The following FRMD4A variants were observed in gnomAD, a reference collection of about 807,000 sequenced individuals.
FRMD4A encodes the protein FERM domain-containing protein 4A.
In FRMD4A, 29 loss-of-function variants were observed where a neutral mutation model predicts 129.1. The observed-to-expected ratio is 0.22, with a 90% CI of 0.17 to 0.31. The LOEUF is 0.31. Ranked by LOEUF, FRMD4A falls within the 10% of genes least tolerant of loss-of-function variation. The probability of loss-of-function intolerance (pLI) is 1.00; values close to 1 mark genes in which losing one functional copy is unlikely to be tolerated. For synonymous variants in FRMD4A, 634 were observed against 571.6 expected (o/e 1.11, Z -1.56); for missense variants, 1,272 against 1,375.8 (o/e 0.92, Z 1.19).
At chr10:13,964,495 A>G (rs1588588493) in intron 2 of FRMD4A, among the ~76,000 whole-genome samples, 3 of 151,860 alleles carry the variant, frequency 2.0e-5, no homozygotes, top group Admixed American at 6.6e-5. Flanking sequence ...GTGGGGAGGC[A>G]ATAGAGAGGA....
At chr10:13,904,373 C>T (rs1443176988) in intron 2 of FRMD4A, among the ~76,000 whole-genome samples, 2 of 152,206 alleles carry the variant, frequency 1.3e-5, no homozygotes, top group Non-Finnish European at 2.9e-5. Context: ...CTTCCAGCTC[C>T]GCTCAGACGC....
chr10:13,868,715 C>A (rs1002333365), intron 2 of FRMD4A, among the ~76,000 whole-genome samples: 16 of 152,068 alleles, frequency 1.1e-4, no homozygotes, highest in African/African-American at 2.9e-4. Flanking sequence ...GGGAGGATTG[C>A]CTGAGCCCAA....
intron 9 of FRMD4A, among the ~76,000 whole-genome samples, chr10:13,745,870 C>T (rs1022967531): frequency 2.0e-5 from 3 of 152,118 alleles, no homozygotes; most frequent in Admixed American, 2.0e-4. Context: ...GGATGAGGCC[C>T]AGTGGCACAA....
chr10:13,827,392 C>A (rs1242418100), intron 3 of FRMD4A, among the ~76,000 whole-genome samples: 1 of 152,154 alleles, frequency 6.6e-6, no homozygotes, highest in South Asian at 2.1e-4. Context: ...GCCCATCTCC[C>A]GAAACCCGAC....
In FRMD4A at chr10:13,654,423, G is replaced by T. The variant is rs1048169983; in HGVS notation, c.3043C>A (p.Gln1015Lys). The T allele has an allele frequency of 1.9e-6, 3 of 1,601,036 alleles. No homozygotes were observed. Among genetic ancestry groups the T allele is most frequent in the Non-Finnish European group, 2.6e-6 (3 of 1,167,956 alleles). The stretch of plus-strand genomic sequence containing the variant: ...CATAGAAGGAGAACTCACCCAGTCT[G>T]CCAGGTTAGGATGTGGTGGGGGCTG... ...PSSPHHILTW[Q>K]TGEATENSPI... Residue 1015 changes from glutamine (Q) to lysine (K), a missense_variant, in exon 23 of 25, where the codon CAG becomes AAG. Physicochemically the swap from Gln to Lys is moderately conservative, Grantham distance 53. Transcript: ENST00000357447.
chr10:14,083,680 T>C (rs1170969647), intron 2 of FRMD4A: 1 of 152,218 alleles, frequency 6.6e-6, no homozygotes, highest in Non-Finnish European at 1.5e-5. Context: ...CTGTGGTTAG[T>C]GTCCACCGAT....
intron 6 of FRMD4A, among the ~76,000 whole-genome samples, chr10:13,774,860 A>G (rs1368807467): frequency 1.3e-5 from 2 of 152,158 alleles, no homozygotes; most frequent in Non-Finnish European, 2.9e-5. Context: ...TAATATTATC[A>G]GAGTGATAAG....
intron 2 of FRMD4A, among the ~76,000 whole-genome samples, chr10:14,054,977 T>A (rs1834439568): frequency 6.6e-6 from 1 of 152,180 alleles, no homozygotes; most frequent in South Asian, 2.1e-4. Context: ...CTCTCCTTTA[T>A]AAATTACCCA....
At chr10:14,266,280 T>C (rs1426913684) in intron 2 of FRMD4A, among the ~76,000 whole-genome samples, 1 of 152,078 alleles carries the variant, frequency 6.6e-6, no homozygotes, top group Middle Eastern at 3.2e-3. Flanking sequence ...CTCCAGTCAA[T>C]GACAAATGTC....
In FRMD4A at chr10:14,005,274, G is replaced by T. The variant is rs114875309; in HGVS notation, c.46-146362C>A. ...CCTGACCTCGTGATCCGACCAGCTC[G>T]GTCTCCCAAAGTGCTGGGATTACAG... On this transcript the variant is annotated intron_variant, in intron 2 of 24. Transcript: ENST00000357447. Among the ~76,000 whole-genome samples the T allele has an allele frequency of 2.9e-3, 444 of 152,132 alleles. 5 individuals are homozygous for T. Among genetic ancestry groups the T allele is most frequent in the African/African-American group, 0.01 (426 of 41,498 alleles).
intron 2 of FRMD4A, among the ~76,000 whole-genome samples, chr10:14,135,015 C>T (rs1839464280): frequency 6.6e-6 from 1 of 152,128 alleles, no homozygotes; most frequent in Non-Finnish European, 1.5e-5. Flanking sequence ...TTTTTGAGGA[C>T]TAGAGGTTGC....
chr10:13,858,741 G>T (rs996285945), intron 3 of FRMD4A, 106 bp downstream of exon 3: 3 of 768,570 alleles, frequency 3.9e-6, no homozygotes, highest in Non-Finnish European at 7.1e-6. Flanking sequence ...TATTAACAGA[G>T]ATTTAAAAAC....
At chr10:14,120,527 C>G (rs993221709) in intron 2 of FRMD4A, among the ~76,000 whole-genome samples, 3 of 152,224 alleles carry the variant, frequency 2.0e-5, no homozygotes, top group African/African-American at 7.2e-5. Flanking sequence ...TTATTCACTA[C>G]TCAGTAGATT....
In FRMD4A at chr10:13,693,787, G is replaced by A. The variant is rs765284385; in HGVS notation, c.1117+111C>T. ...TGGTCTGGAAAGCAAAGCCAGCTTT[G>A]GAGCAGCTTGCCCTGCAGTCTCCCC... On this transcript the variant is annotated intron_variant, in intron 15 of 24. Transcript: ENST00000357447. The A allele has an allele frequency of 7.0e-6, 8 of 1,146,248 alleles. No individual in the cohort carries two copies. The African/African-American group carries it at 1.1e-4, about 15-fold the overall frequency. 71.0% of individuals were successfully genotyped at this position (1,146,248 alleles called of 1,614,324 possible).
chr10:13,930,438 G>GCC (rs1462227807), intron 2 of FRMD4A, among the ~76,000 whole-genome samples: 1 of 152,192 alleles, frequency 6.6e-6, no homozygotes, highest in Non-Finnish European at 1.5e-5. Context: ...TCCTGCGTGA[G>GCC]CCTTTCAAGG....
Position 13,675,774 on chromosome 10 carries a change from G to A in FRMD4A, c.1118-730C>T, listed in dbSNP as rs954926454. Reference sequence around the variant, plus strand: ...TTTTTGCTTAGTGCAAAGATAATGTGTGTTTATGATGAAAACCCTGAAAAT... The same window carrying A: ...TTTTTGCTTAGTGCAAAGATAATGTATGTTTATGATGAAAACCCTGAAAAT... On this transcript the variant is annotated intron_variant, in intron 15 of 24. Transcript: ENST00000357447. 5.3e-5 allele frequency: 8 copies of A among 152,058 alleles called. 1 individual carries two copies. Among genetic ancestry groups the A allele is most frequent in the African/African-American group, 1.9e-4 (8 of 41,320 alleles). 9.4% of individuals were successfully genotyped at this position (152,058 alleles called of 1,614,324 possible).
At chr10:13,766,742 A>G (rs2092300543) in intron 6 of FRMD4A, among the ~76,000 whole-genome samples, 1 of 152,146 alleles carries the variant, frequency 6.6e-6, no homozygotes, top group Admixed American at 6.5e-5. Context: ...AGAGCTCTAG[A>G]CTTCCGGCTT....
intron 12 of FRMD4A, among the ~76,000 whole-genome samples, chr10:13,726,192 T>C (rs1438053945): frequency 6.6e-6 from 1 of 152,142 alleles, no homozygotes; most frequent in Non-Finnish European, 1.5e-5. Context: ...GAGGATTGCT[T>C]GAGCCCAGGA....
chr10:14,328,659 T>C (rs1831320), intron 2 of FRMD4A, among the ~76,000 whole-genome samples: 28,139 of 143,192 alleles, frequency 0.2, 2,845 homozygotes, highest in Admixed American at 0.25. Flanking sequence ...TGTGTGTGTG[T>C]GCATATGTGT....
Sources: gnomAD v4.1 joint callset for allele counts (sites outside exome capture counted in the v4.1 genomes callset) on GRCh38, gnomAD v4.1.1 for gene constraint, MANE v1.5 for transcripts, NCBI Gene and HGNC (gene_info 2026-07-23, HGNC 2026-07-21) for gene names.